Variants in IDH1 observed in about 807,000 individuals in gnomAD.
IDH1 encodes isocitrate dehydrogenase [NADP] cytoplasmic.
Under a neutral mutation model 46.1 loss-of-function variants are expected in IDH1, and 33 were observed. That is an observed-to-expected ratio of 0.72 (90% confidence interval 0.54 to 0.96). IDH1 has a LOEUF of 0.96. IDH1 is among the 40% of genes least tolerant of loss of function. The pLI is 0.00. For synonymous variants in IDH1, 144 were observed against 172.8 expected, an observed-to-expected ratio of 0.83 and a Z score of 1.31; for missense variants, 421 against 515.7, an observed-to-expected ratio of 0.82 and a Z score of 1.78.
At position 208,237,196 on chromosome 2, in the gene IDH1, A is replaced by C. The variant is rs1574399803; in HGVS notation, c.1155-27T>G. The C allele has an allele frequency of 4.0e-6, 5 of 1,249,958 alleles. No homozygotes were observed. The East Asian group carries it at 9.3e-5, about 23-fold the overall frequency. 77.4% of individuals were successfully genotyped at this position (1,249,958 alleles called of 1,614,324 possible). On this transcript the variant is annotated intron_variant, in intron 9 of 9. Transcript: ENST00000345146. ...TAACGGGAAGGAAAAAAAAAAGAAA[A>C]TTTAGTTGGTCTCTGATATGGTAGC...
chr2:208,245,561 T>TTTG, intron 4 of IDH1, 137 bp from the exon 5 acceptor site: 1 of 631,702 alleles, frequency 1.6e-6, no homozygotes, highest in Non-Finnish European at 2.8e-6. Flanking sequence ...TTTTTTTTTT[T>TTTG]TTTTAGGAGA....
At chr2:208,249,193 CT>C (rs536892104) in intron 3 of IDH1, among the ~76,000 whole-genome samples, 2,406 of 140,636 alleles carry the variant, frequency 0.017, 36 homozygotes, top group African/African-American at 0.047. Context: ...GAGCCTTTCC[CT>C]TTTTTTTTTT....
At chr2:208,245,735 G>A (rs938997491) in intron 4 of IDH1, among the ~76,000 whole-genome samples, 4 of 142,128 alleles carry the variant, frequency 2.8e-5, no homozygotes, top group Admixed American at 7.2e-5. Flanking sequence ...ATATATAAGT[G>A]AAAAGCAATA....
intron 4 of IDH1, chr2:208,248,069 A>C: frequency 2.4e-6 from 1 of 422,584 alleles, no homozygotes; most frequent in Non-Finnish European, 4.3e-6. Context: ...AACCATATGA[A>C]ATTACCAACA....
In IDH1 at chr2:208,242,031, G is replaced by A; in HGVS notation, c.813C>T (p.Asn271=). Residue 271 remains asparagine (N), a synonymous_variant, in exon 7 of 10, where the codon AAC becomes AAT. Transcript: ENST00000345146. ...AGTCCGACTGCACGTCACCATCATA[G>A]TTTTTACAGGCCCAGATGAAGCCTC... The part of the protein sequence containing the change: ...SEGGFIWACK[N]YDGDVQSDSV... 1 of 1,612,820 alleles carries A rather than the reference G, an allele frequency of 6.2e-7. No individual in the cohort carries two copies. The highest frequency in any genetic ancestry group is 8.5e-7 in the Non-Finnish European group (1 of 1,179,866).
chr2:208,247,300 A>C (rs914410957), intron 4 of IDH1: 1 of 152,184 alleles, frequency 6.6e-6, no homozygotes, highest in Admixed American at 6.5e-5. Flanking sequence ...TCAACACTGA[A>C]CTTTGATTTT....
At chr2:208,243,728 G>T in intron 5 of IDH1, 124 bp from the exon 6 acceptor site, 1 of 791,688 alleles carries the variant, frequency 1.3e-6, no homozygotes, top group Non-Finnish European at 2.1e-6. Flanking sequence ...TCTGAGACTA[G>T]ATTTCAGAAG....
Position 208,236,753 on chromosome 2 carries a change from C to T in IDH1, c.*326G>A. On this transcript the variant is annotated 3_prime_UTR_variant, in exon 10 of 10. Transcript: ENST00000345146. Reference sequence around the variant, plus strand: ...GGAGCAATACTGTGGCTATCATTTACCCTTTTGAGCAATCTTGATTTTGGT... The same window carrying T: ...GGAGCAATACTGTGGCTATCATTTATCCTTTTGAGCAATCTTGATTTTGGT... 2.8e-6 allele frequency: 1 copy of T among 363,164 alleles called. No homozygotes were observed. Among genetic ancestry groups the T allele is most frequent in the Non-Finnish European group, 5.1e-6 (1 of 197,532 alleles). 22.5% of individuals were successfully genotyped at this position (363,164 alleles called of 1,614,324 possible). A position where few individuals can be genotyped will look rare whatever the true frequency, so the allele number is the denominator to read the frequency against.
At chr2:208,240,819 T>C (rs1687904402) in intron 7 of IDH1, among the ~76,000 whole-genome samples, 1 of 152,192 alleles carries the variant, frequency 6.6e-6, no homozygotes, top group Admixed American at 6.5e-5. Context: ...CTCTGTTGCA[T>C]TCAGTACAAA....
chr2:208,239,072 T>C lies in IDH1; in HGVS notation c.1153A>G (p.Asn385Asp), dbSNP rs775623666. The C allele has an allele frequency of 3.1e-6, 5 of 1,613,790 alleles. No homozygotes were observed. Among genetic ancestry groups the C allele is most frequent in the Middle Eastern group, 1.7e-4 (1 of 6,028 alleles). ...DLAACIKGLP[N>D]VQRSDYLNTF... Reference sequence around the variant, plus strand: ...GAAACTAGGGCATCTTATACTTACTTGGGTAAACCTTTAATGCAAGCAGCC... The same window carrying C: ...GAAACTAGGGCATCTTATACTTACTCGGGTAAACCTTTAATGCAAGCAGCC... Residue 385 changes from asparagine to aspartate, a missense_variant and splice_region_variant, in exon 9 of 10, where the codon AAT becomes GAT. Transcript: ENST00000345146.
intron 7 of IDH1, chr2:208,240,410 A>C (rs1687897086): frequency 1.2e-5 from 2 of 161,946 alleles, no homozygotes; most frequent in Admixed American, 1.2e-4. Context: ...ATATATATGA[A>C]TATATATTTA....
chr2:208,248,459 G>A lies in IDH1; in HGVS notation c.324C>T (p.Phe108=), dbSNP rs199905024. 2.5e-6 allele frequency: 4 copies of A among 1,614,102 alleles called. No individual in the cohort carries two copies. The highest frequency in any genetic ancestry group is 3.4e-6 in the Non-Finnish European group (4 of 1,179,986). The change falls in exon 4 of 10, where the codon TTC becomes TTT. Residue 108 remains phenylalanine, a synonymous_variant. Coordinates refer to ENST00000345146, the MANE Select transcript of IDH1 (RefSeq NM_005896.4). ...TATTTTTGCAGATAATGGCTTCTCT[G>A]AAGACCGTGCCACCCAGAATATTTC... is the stretch of plus-strand genomic sequence containing the variant. The part of the protein sequence containing the change: ...TIRNILGGTV[F]REAIICKNIP...
At chr2:208,245,509 G>T (rs2124858088) in intron 4 of IDH1, 85 bp from the exon 5 acceptor site, 6 of 664,958 alleles carry the variant, frequency 9.0e-6, no homozygotes, top group Non-Finnish European at 1.1e-5. Flanking sequence ...TATAGACCTA[G>T]AAGACACCTA....
At chr2:208,242,521 T>C (rs2124852572) in intron 6 of IDH1, among the ~76,000 whole-genome samples, 1 of 152,332 alleles carries the variant, frequency 6.6e-6, no homozygotes, top group Middle Eastern at 3.4e-3. Context: ...CTTGGTGTCA[T>C]TCAGGAAACT....
At chr2:208,238,089 G>A (rs1687849044) in intron 9 of IDH1, among the ~76,000 whole-genome samples, 1 of 148,464 alleles carries the variant, frequency 6.7e-6, no homozygotes, top group African/African-American at 2.5e-5. Context: ...AGGCTGGAGT[G>A]CAGTGGCACC....
intron 5 of IDH1, 99 bp downstream of exon 5, chr2:208,245,220 A>C (rs1687993239): frequency 1.4e-6 from 1 of 731,786 alleles, no homozygotes. Flanking sequence ...TTCAGATTAT[A>C]TTTTTAGGCA....
chr2:208,237,005 T>C lies in IDH1; in HGVS notation c.*74A>G. On this transcript the variant is annotated 3_prime_UTR_variant, in exon 10 of 10. Coordinates refer to ENST00000345146, the MANE Select transcript of IDH1 (RefSeq NM_005896.4). ...AATTGATTTTGCCTTTATCCTTGAGTGTAACACAGAAAAATGTAAACCTGT... is the reference window on the plus strand; with the variant it reads ...AATTGATTTTGCCTTTATCCTTGAGCGTAACACAGAAAAATGTAAACCTGT... 1 of 813,448 alleles carries C rather than the reference T, an allele frequency of 1.2e-6. No homozygotes were observed. The highest frequency in any genetic ancestry group is 1.5e-5 in the South Asian group (1 of 68,172). 50.4% of individuals were successfully genotyped at this position (813,448 alleles called of 1,614,324 possible). A position where few individuals can be genotyped will look rare whatever the true frequency, so the allele number is the denominator to read the frequency against.
chr2:208,245,543 C>CTTGT, intron 4 of IDH1, 119 bp from the exon 5 acceptor site: 1 of 310,864 alleles, frequency 3.2e-6, no homozygotes. Context: ...GTATGTCAAA[C>CTTGT]TTCTTTTTTT....
intron 7 of IDH1, among the ~76,000 whole-genome samples, chr2:208,241,555 C>A (rs1349941439): frequency 1.3e-5 from 2 of 152,032 alleles, no homozygotes; most frequent in African/African-American, 4.8e-5. Context: ...TTATATTCTA[C>A]CAGAACAGCA....
Sources: allele counts gnomAD v4.1 joint callset (sites outside exome capture counted in the v4.1 genomes callset), GRCh38; gene constraint gnomAD v4.1.1; transcripts MANE v1.5; gene names NCBI Gene and HGNC (gene_info 2026-07-23, HGNC 2026-07-21).